The following ZNF831 variants were observed in gnomAD, a reference collection of about 807,000 sequenced individuals.
ZNF831 encodes the protein zinc finger protein 831, also known as chromosome 20 open reading frame 174.
In ZNF831, 59 loss-of-function variants were observed where a neutral mutation model predicts 95.8. The observed-to-expected ratio is 0.62, with a 90% confidence interval of 0.50 to 0.77. ZNF831 has a LOEUF of 0.77. Ranked by LOEUF, ZNF831 falls within the 30% of genes least tolerant of loss-of-function variation. ZNF831 has a pLI of 0.00. For missense variants in ZNF831, 2,205 were observed against 2,164.0 expected, an observed-to-expected ratio of 1.02 and a Z score of -0.38; for synonymous variants, 961 against 925.5, an observed-to-expected ratio of 1.04 and a Z score of -0.70.
chr20:59,142,381 T>TGTCCTAGGTCCTGAACAGCC (rs1477653713), intron 1 of ZNF831, among the ~76,000 whole-genome samples: 2 of 152,194 alleles, frequency 1.3e-5, no homozygotes, highest in Non-Finnish European at 2.9e-5. Flanking sequence ...GCACTGGAGC[T>TGTCCTAGGTCCTGAACAGCC]GTCCTAGGTC....
intron 4 of ZNF831, among the ~76,000 whole-genome samples, chr20:59,215,843 A>G (rs1396967690): frequency 2.0e-5 from 3 of 152,258 alleles, no homozygotes; most frequent in East Asian, 1.9e-4. Flanking sequence ...ATTATGTGCC[A>G]TTAAGGGAAC....
At chr20:59,205,608 T>A (rs910748652) in intron 3 of ZNF831, among the ~76,000 whole-genome samples, 3 of 152,186 alleles carry the variant, frequency 2.0e-5, no homozygotes, top group Admixed American at 1.3e-4. Context: ...TGAGCGGCCC[T>A]GGTGATTAGG....
intron 3 of ZNF831, among the ~76,000 whole-genome samples, chr20:59,205,210 C>A (rs1448898961): frequency 6.6e-6 from 1 of 152,220 alleles, no homozygotes; most frequent in Non-Finnish European, 1.5e-5. Flanking sequence ...AAGAAGAATT[C>A]TCTCCATGTG....
At chr20:59,135,739 A>G (rs1436782262) in intron 1 of ZNF831, among the ~76,000 whole-genome samples, 2 of 152,008 alleles carry the variant, frequency 1.3e-5, no homozygotes, top group African/African-American at 4.8e-5. Flanking sequence ...TCAAAAAAAA[A>G]TAATAATAAT....
Position 59,253,864 on chromosome 20 carries a change from C to G in ZNF831, c.4189-34C>G. On this transcript the variant is annotated intron_variant, in intron 5 of 5. Transcript: ENST00000371030. ...TTTCTTTGTACCAATTAACCTCCCC[C>G]CCCACTTTTTTTTTCCTTTGCACTT... 37 of 1,118,296 alleles carry G rather than the reference C, an allele frequency of 3.3e-5. 7 individuals are homozygous for G. Among genetic ancestry groups the G allele is most frequent in the Non-Finnish European group, 4.2e-5 (35 of 831,962 alleles). 69.3% of individuals were successfully genotyped at this position (1,118,296 alleles called of 1,614,324 possible). A position where few individuals can be genotyped will look rare whatever the true frequency, so the allele number is the denominator to read the frequency against.
At chr20:59,195,783 C>T in intron 2 of ZNF831, 86 bp from the exon 3 acceptor site, 2 of 1,526,518 alleles carry the variant, frequency 1.3e-6, no homozygotes, top group Non-Finnish European at 1.8e-6. Context: ...AGACAGGCAT[C>T]TTGTCTGCAG....
Position 59,192,500 on chromosome 20 carries a change from C to G in ZNF831, c.1481C>G (p.Thr494Ser), listed in dbSNP as rs2146566577. The change falls in exon 2 of 6, where the codon ACC (threonine) becomes AGC (serine). Residue 494 changes from threonine (T) to serine (S), a missense_variant. Coordinates refer to ENST00000371030, the MANE Select transcript of ZNF831 (RefSeq NM_178457.3). The surrounding 1 kb of genome is among the most constrained non-coding windows in gnomAD (Gnocchi z 5.2). The part of the protein sequence containing the change: ...FFHSVPTQLS[T>S]TVECVPVTRS... ...CACTCCGTCCCCACTCAGCTCTCCA[C>G]CACCGTGGAATGTGTCCCCGTCACC... 1 of 1,560,918 alleles carries G rather than the reference C, an allele frequency of 6.4e-7. No individual in the cohort carries two copies. Among genetic ancestry groups the G allele is most frequent in the South Asian group, 1.2e-5 (1 of 82,200 alleles).
At chr20:59,167,407 TA>T in intron 1 of ZNF831, among the ~76,000 whole-genome samples, 1 of 151,380 alleles carries the variant, frequency 6.6e-6, no homozygotes, top group Non-Finnish European at 1.5e-5. Flanking sequence ...TCTCTTATTA[TA>T]AGCAGGGGTT....
chr20:59,243,839 A>G (rs1987458447), intron 4 of ZNF831, among the ~76,000 whole-genome samples: 1 of 152,206 alleles, frequency 6.6e-6, no homozygotes, highest in African/African-American at 2.4e-5. Context: ...TTTTCTCTCT[A>G]CAATTTTCAT....
chr20:59,220,539 T>G (rs901951088), intron 4 of ZNF831, among the ~76,000 whole-genome samples: 2 of 152,168 alleles, frequency 1.3e-5, no homozygotes, highest in Admixed American at 6.5e-5. Flanking sequence ...TCCTCTCAAC[T>G]CCCTCTCCAG....
At position 59,192,885 on chromosome 20, in the gene ZNF831, G is replaced by T; in HGVS notation, c.1866G>T (p.Val622=). ...LKMFSQEKWQ[V]YGDETFKRIY... ...TGTTCTCCCAGGAGAAGTGGCAGGT[G>T]TACGGGGATGAGACGTTCAAAAGGA... Residue 622 remains valine (V), a synonymous_variant, in exon 2 of 6, where the codon GTG becomes GTT. Coordinates refer to ENST00000371030, the MANE Select transcript of ZNF831 (RefSeq NM_178457.3). The surrounding 1 kb of genome is among the most constrained non-coding windows in gnomAD (Gnocchi z 5.2). 1 of 1,597,590 alleles carries T rather than the reference G, an allele frequency of 6.3e-7. No homozygotes were observed. Among genetic ancestry groups the T allele is most frequent in the Non-Finnish European group, 8.5e-7 (1 of 1,172,630 alleles).
chr20:59,253,177 G>A (rs1987990283), intron 5 of ZNF831, 39 bp downstream of exon 5: 1 of 1,608,426 alleles, frequency 6.2e-7, no homozygotes, highest in Admixed American at 1.7e-5. Flanking sequence ...ACCTATTCCT[G>A]GTCTAGATGT....
chr20:59,192,447 C>G lies in ZNF831; in HGVS notation c.1428C>G (p.Pro476=), dbSNP rs995894106. The part of the protein sequence containing the change: ...APGPVRSTWT[P]PDKSRPLFFH... ...GCCCCGTGCGCTCCACCTGGACGCC[C>G]CCAGACAAGTCTCGGCCCCTCTTCT... Residue 476 remains proline, a synonymous_variant, in exon 2 of 6, where the codon CCC becomes CCG. Coordinates refer to ENST00000371030, the MANE Select transcript of ZNF831 (RefSeq NM_178457.3). This position sits in a 1 kb window ranked among gnomAD's most constrained non-coding sequence, Gnocchi z 5.2. 2.5e-6 allele frequency: 4 copies of G among 1,604,050 alleles called. No individual in the cohort carries two copies. Among genetic ancestry groups the G allele is most frequent in the East Asian group, 2.2e-5 (1 of 44,824 alleles).
rs758200213 is a variant in ZNF831 at position 59,191,269 on chromosome 20, G to C, written c.250G>C (p.Gly84Arg). Residue 84 changes from glycine (G) to arginine (R), a missense_variant, in exon 2 of 6, where the codon GGG (glycine) becomes CGG (arginine). By Grantham distance (125) the Gly-to-Arg change is moderately radical. Coordinates refer to ENST00000371030, the MANE Select transcript of ZNF831 (RefSeq NM_178457.3). ...CCCGCTAGTGACGGGCAGCCTAGAT[G>C]GGGGCAACGTGCCCTTCATACTCAG... ...RAPLVTGSLD[G>R]GNVPFILSPV... 6.4e-7 allele frequency: 1 copy of C among 1,559,456 alleles called. No homozygotes were observed. Among genetic ancestry groups the C allele is most frequent in the Non-Finnish European group, 8.7e-7 (1 of 1,152,930 alleles).
chr20:59,232,678 C>T (rs1449297785), intron 4 of ZNF831, among the ~76,000 whole-genome samples: 5 of 152,164 alleles, frequency 3.3e-5, no homozygotes, highest in Non-Finnish European at 7.3e-5. Context: ...ATTTCAGTAG[C>T]TATCTCATGA....
chr20:59,210,591 A>C (rs1475098688), intron 4 of ZNF831, among the ~76,000 whole-genome samples: 1 of 152,302 alleles, frequency 6.6e-6, no homozygotes, highest in East Asian at 1.9e-4. Context: ...CTGCATGCTC[A>C]TGGTGACCCT....
intron 1 of ZNF831, among the ~76,000 whole-genome samples, chr20:59,140,650 T>C (rs1191989430): frequency 6.6e-6 from 1 of 152,168 alleles, no homozygotes; most frequent in Non-Finnish European, 1.5e-5. Context: ...CTTTTCAGAG[T>C]GACTGTCCCA....
At chr20:59,170,440 G>T (rs932396759) in intron 1 of ZNF831, among the ~76,000 whole-genome samples, 25 of 152,272 alleles carry the variant, frequency 1.6e-4, no homozygotes, top group Admixed American at 2.6e-4. Flanking sequence ...ATATGAAGCT[G>T]TCCTGTTATC....
At chr20:59,132,516 T>C (rs1239299648) in intron 1 of ZNF831, among the ~76,000 whole-genome samples, 1 of 152,180 alleles carries the variant, frequency 6.6e-6, no homozygotes, top group Admixed American at 6.5e-5. Flanking sequence ...TGGCAATATC[T>C]CACCTTCTTC....
Sources: allele counts gnomAD v4.1 joint callset (sites outside exome capture counted in the v4.1 genomes callset), GRCh38; gene constraint gnomAD v4.1.1; non-coding constraint Gnocchi (gnomAD v3.1); transcripts MANE v1.5; gene names NCBI Gene and HGNC (gene_info 2026-07-23, HGNC 2026-07-21).